Variants in TTLL4 observed in about 807,000 individuals in gnomAD.
TTLL4 encodes the protein tubulin monoglutamylase TTLL4.
TTLL4 carries 85 observed loss-of-function variants against 122.7 expected under a neutral mutation model. The observed-to-expected ratio is 0.69, with a 90% CI of 0.58 to 0.83. The LOEUF (loss-of-function observed/expected upper bound fraction) is 0.83. Ranked by LOEUF, TTLL4 falls within the 40% of genes least tolerant of loss-of-function variation. The probability of loss-of-function intolerance (pLI) is 0.00; values close to 1 mark genes in which losing one functional copy is unlikely to be tolerated. For missense variants in TTLL4, 1,363 were observed against 1,488.6 expected (o/e 0.92, Z 1.39); for synonymous variants, 553 against 563.0 (o/e 0.98, Z 0.25).
intron 2 of TTLL4, among the ~76,000 whole-genome samples, chr2:218,729,754 A>C (rs1016798643): frequency 1.1e-4 from 13 of 113,160 alleles, no homozygotes; most frequent in Non-Finnish European, 1.9e-4. Context: ...TTTTTAAAAA[A>C]AAAAAAAACA....
rs1941680016 is a variant in TTLL4, at chr2:218,710,868, G to T, written c.-347G>T. 1 of 152,382 alleles carries T rather than the reference G, an allele frequency of 6.6e-6. No individual in the cohort carries two copies. Among genetic ancestry groups the T allele is most frequent in the Non-Finnish European group, 1.5e-5 (1 of 68,208 alleles). 9.4% of individuals were successfully genotyped at this position (152,382 alleles called of 1,614,324 possible). On this transcript the variant is annotated 5_prime_UTR_variant, in exon 1 of 20. Transcript: ENST00000392102. ...CCAGACTCTCGGTCTGTCCGCTGGG[G>T]GCGCGCGCGGTGTGTGGCAGGCGGC...
chr2:218,748,141 C>T lies in TTLL4; in HGVS notation c.2415C>T (p.Phe805=), dbSNP rs1390068442. 6.2e-6 allele frequency: 10 copies of T among 1,614,020 alleles called. No homozygotes were observed. The highest frequency in any genetic ancestry group is 1.7e-6 in the Non-Finnish European group (2 of 1,180,034). ...CCATGAAGAGCCTTGGCAATAAGTT[C>T]ATGCACCTGACCAACTACAGTGTCA... ...SPSMKSLGNK[F]MHLTNYSVNK... Residue 805 remains phenylalanine, a synonymous_variant, in exon 12 of 20, where the codon TTC becomes TTT. Transcript: ENST00000392102.
chr2:218,740,188 C>G, intron 4 of TTLL4, 21 bp downstream of exon 4: 1 of 1,611,370 alleles, frequency 6.2e-7, no homozygotes, highest in Non-Finnish European at 8.5e-7. Context: ...AACCCTTTCA[C>G]TTCCAACTAG....
At chr2:218,740,292 T>A in intron 4 of TTLL4, 125 bp downstream of exon 4, 1 of 1,000,820 alleles carries the variant, frequency 1.0e-6, no homozygotes, top group Non-Finnish European at 1.5e-6. Context: ...TTGGGGGTCT[T>A]AAGTGGGGGT....
chr2:218,756,746 C>T (rs1257943994), downstream of TTLL4, among the ~76,000 whole-genome samples: 1 of 151,996 alleles, frequency 6.6e-6, no homozygotes, highest in Non-Finnish European at 1.5e-5. Context: ...GATAACTTAC[C>T]TAGTCTATTT....
chr2:218,738,418 C>T lies in TTLL4; in HGVS notation c.742C>T (p.Gln248Ter), dbSNP rs748280780. ...GAAGCCAGTATCGCCACCCAAGATC[C>T]AGCCTGTCTCCTGGCATCATTCAGG... ...GLKPVSPPKI[Q>*]PVSWHHSGGT... The change falls in exon 3 of 20, where the codon CAG becomes TAG. Residue 248 changes from glutamine (Q) to a stop codon, truncating the protein, a stop_gained. Transcript: ENST00000392102. LOFTEE classifies it high-confidence loss of function. The T allele has an allele frequency of 1.2e-6, 2 of 1,614,074 alleles. No individual in the cohort carries two copies. Among genetic ancestry groups the T allele is most frequent in the Non-Finnish European group, 1.7e-6 (2 of 1,180,048 alleles).
At chr2:218,743,015 G>A (rs1000289072) in intron 5 of TTLL4, among the ~76,000 whole-genome samples, 5 of 151,834 alleles carry the variant, frequency 3.3e-5, no homozygotes, top group Non-Finnish European at 5.9e-5. Flanking sequence ...GTGATGGTGG[G>A]CGCCTATAAT....
intron 15 of TTLL4, 54 bp downstream of exon 15, chr2:218,750,200 A>G: frequency 6.3e-7 from 1 of 1,586,622 alleles, no homozygotes; most frequent in East Asian, 2.2e-5. Flanking sequence ...GCCCTGCTAT[A>G]GTTTCTGGGA....
chr2:218,749,183 T>C (rs2106456827), intron 13 of TTLL4, 70 bp from the exon 14 acceptor site: 2 of 1,579,324 alleles, frequency 1.3e-6, no homozygotes, highest in Non-Finnish European at 1.7e-6. Flanking sequence ...GCCACTCTTT[T>C]GGCAGGATAG....
At chr2:218,753,072 A>AT (rs779194763) in intron 17 of TTLL4, 43 bp from the exon 18 acceptor site, 12 of 1,613,704 alleles carry the variant, frequency 7.4e-6, no homozygotes, top group Admixed American at 1.7e-5. Context: ...TGGCCAATTG[A>AT]TTCTACCTTC....
At position 218,747,049 on chromosome 2, in the gene TTLL4, T is replaced by C; in HGVS notation, c.2021T>C (p.Leu674Pro). 6.2e-7 allele frequency: 1 copy of C among 1,614,226 alleles called. No individual in the cohort carries two copies. Among genetic ancestry groups the C allele is most frequent in the Non-Finnish European group, 8.5e-7 (1 of 1,180,044 alleles). Reference protein sequence around the residue: ...GSFQIGRKDRLWRNLSRMQSR... With the variant: ...GSFQIGRKDRPWRNLSRMQSR... ...TTCCAGATTGGGAGGAAGGACCGGC[T>C]ATGGCGGAACCTGTCACGTATGCAG... The change falls in exon 9 of 20, where the codon CTA becomes CCA. Residue 674 changes from leucine to proline, a missense_variant. Leu to Pro is a moderately conservative substitution (Grantham distance 98, BLOSUM62 -3). Transcript: ENST00000392102. This position sits in a 1 kb window ranked among gnomAD's most constrained non-coding sequence, Gnocchi z 4.7.
intron 1 of TTLL4, among the ~76,000 whole-genome samples, chr2:218,714,855 C>T (rs1420108937): frequency 3.3e-5 from 5 of 152,106 alleles, no homozygotes; most frequent in Non-Finnish European, 5.9e-5. Context: ...ACAGTCCTCC[C>T]GCCTCAACCT....
Position 218,746,135 on chromosome 2 carries a change from T to G in TTLL4, c.1898-20T>G. The G allele has an allele frequency of 6.2e-7, 1 of 1,614,130 alleles. No homozygotes were observed. On this transcript the variant is annotated intron_variant, in intron 7 of 19. Transcript: ENST00000392102. ...GGACTGAGCTGTTAGCAAGGCTGATTCCTGATGTACCTCCCATAGGAAACG... is the reference window on the plus strand; with the variant it reads ...GGACTGAGCTGTTAGCAAGGCTGATGCCTGATGTACCTCCCATAGGAAACG...
intron 1 of TTLL4, among the ~76,000 whole-genome samples, chr2:218,718,378 C>CT (rs1241327099): frequency 8.2e-4 from 119 of 145,816 alleles, no homozygotes; most frequent in Middle Eastern, 7.2e-3. Context: ...ATTTTCTTTT[C>CT]TTTTTTTTTT....
At chr2:218,740,386 C>A in intron 4 of TTLL4, 135 bp from the exon 5 acceptor site, 1 of 1,012,654 alleles carries the variant, frequency 9.9e-7, no homozygotes, top group Non-Finnish European at 1.5e-6. Context: ...GAAGGCAGTG[C>A]AAAGCAGCGG....
rs1306334777 is a variant in TTLL4 at position 218,729,753 on chromosome 2, AAAAAAAAAAC to A, written c.-99+2416_-99+2425del. ...TTTTCTTTTCTCTCTCTTTTTAAAA[AAAAAAAAAAC>A]AAAAAAAAAAAAAACAGGATCTTAT... On this transcript the variant is annotated intron_variant, in intron 2 of 19. Transcript: ENST00000392102. Among the ~76,000 whole-genome samples, 191 of 109,354 alleles carry A rather than the reference AAAAAAAAAAC, an allele frequency of 1.7e-3. 2 individuals carry two copies. The highest frequency in any genetic ancestry group is 8.0e-3 in the African/African-American group (183 of 22,856). The allele number at this position is 109,354 out of a possible 152,430, so 71.7% of individuals were successfully genotyped here.
chr2:218,745,049 CG>C, intron 5 of TTLL4, 59 bp from the exon 6 acceptor site: 3 of 1,591,484 alleles, frequency 1.9e-6, no homozygotes, highest in Non-Finnish European at 1.7e-6. Flanking sequence ...GTCGTAGTAA[CG>C]ACGCTTCAGG....
At position 218,738,836 on chromosome 2, in the gene TTLL4, A is replaced by G; in HGVS notation, c.1160A>G (p.Gln387Arg). 1 of 1,614,214 alleles carries G rather than the reference A, an allele frequency of 6.2e-7. No homozygotes were observed. Among genetic ancestry groups the G allele is most frequent in the Non-Finnish European group, 8.5e-7 (1 of 1,180,038 alleles). ...TGGAAACCTCCTGCGGTAAATCAGC[A>G]GTTTCCTCAGGAGGATGCTGGATCG... ...RRWKPPAVNQQFPQEDAGSVR... is the reference protein window; with the variant it reads ...RRWKPPAVNQRFPQEDAGSVR... Residue 387 changes from glutamine to arginine, a missense_variant, in exon 3 of 20, where the codon CAG becomes CGG. Transcript: ENST00000392102.
At chr2:218,725,580 A>G (rs1183714695) in intron 1 of TTLL4, among the ~76,000 whole-genome samples, 1 of 151,548 alleles carries the variant, frequency 6.6e-6, no homozygotes, top group East Asian at 1.9e-4. Context: ...TTTGGAGACA[A>G]AGTCTTACGC....
Sources: allele counts gnomAD v4.1 joint callset (sites outside exome capture counted in the v4.1 genomes callset), GRCh38; gene constraint gnomAD v4.1.1; non-coding constraint Gnocchi (gnomAD v3.1); transcripts MANE v1.5; gene names NCBI Gene and HGNC (gene_info 2026-07-23, HGNC 2026-07-21).